LCLAT1: variants seen among roughly 807,000 people sequenced by gnomAD.
The protein encoded by LCLAT1 is 1-AGP acyltransferase 8.
In LCLAT1, 11 loss-of-function variants were observed where a neutral mutation model predicts 30.7. The ratio of observed to expected loss-of-function variants is 0.36; its 90% CI spans 0.23 to 0.59. LCLAT1 has a LOEUF of 0.59. Among genes scored for constraint, LCLAT1 ranks in the 20% least tolerant of loss-of-function variants. The pLI is 0.77. For missense variants in LCLAT1, 402 were observed against 458.6 expected, an observed-to-expected ratio of 0.88 and a Z score of 1.13; for synonymous variants, 155 against 151.3, an observed-to-expected ratio of 1.02 and a Z score of -0.18.
At chr2:30,528,944 CAG>C (rs1278726417) in intron 2 of LCLAT1, among the ~76,000 whole-genome samples, 3 of 152,230 alleles carry the variant, frequency 2.0e-5, no homozygotes, top group Non-Finnish European at 2.9e-5. Flanking sequence ...TTGAAGGAAA[CAG>C]AGAAGAACCA....
At chr2:30,601,607 A>G (rs1667186058) in intron 5 of LCLAT1, among the ~76,000 whole-genome samples, 1 of 152,068 alleles carries the variant, frequency 6.6e-6, no homozygotes, top group South Asian at 2.1e-4. Flanking sequence ...ATTCACATGA[A>G]TATGACTAAT....
At chr2:30,618,629 TG>T (rs1358820935) in intron 5 of LCLAT1, among the ~76,000 whole-genome samples, 1 of 152,112 alleles carries the variant, frequency 6.6e-6, no homozygotes, top group Non-Finnish European at 1.5e-5. Context: ...AACTGGGTGA[TG>T]AAATAATATG....
chr2:30,630,595 A>G (rs994305664), intron 5 of LCLAT1, among the ~76,000 whole-genome samples: 1 of 152,374 alleles, frequency 6.6e-6, no homozygotes, highest in South Asian at 2.1e-4. Flanking sequence ...TAATGCTAAT[A>G]TAAAATTTTA....
intron 5 of LCLAT1, among the ~76,000 whole-genome samples, chr2:30,573,203 C>G (rs1446376191): frequency 1.3e-5 from 2 of 152,182 alleles, no homozygotes; most frequent in Non-Finnish European, 2.9e-5. Flanking sequence ...AAATCCCAAA[C>G]AAGGCCTTTT....
At chr2:30,549,487 C>A (rs971476067) in intron 3 of LCLAT1, among the ~76,000 whole-genome samples, 1 of 152,096 alleles carries the variant, frequency 6.6e-6, no homozygotes, top group Non-Finnish European at 1.5e-5. Flanking sequence ...GAAAGAAATT[C>A]AGAATTTGGA....
intron 5 of LCLAT1, among the ~76,000 whole-genome samples, chr2:30,580,119 A>G (rs6716154): frequency 0.079 from 12,008 of 152,192 alleles, 839 homozygotes; most frequent in African/African-American, 0.19. Context: ...CATCCCAATT[A>G]CAAAGATGTT....
At chr2:30,453,641 C>T (rs1473688674) in intron 1 of LCLAT1, among the ~76,000 whole-genome samples, 2 of 152,152 alleles carry the variant, frequency 1.3e-5, no homozygotes, top group Non-Finnish European at 2.9e-5. Context: ...TGGTTTCTGT[C>T]TTTGAGCTTA....
intron 5 of LCLAT1, among the ~76,000 whole-genome samples, chr2:30,636,587 T>A (rs1038084863): frequency 2.8e-4 from 42 of 152,086 alleles, no homozygotes; most frequent in African/African-American, 1.0e-3. Context: ...GAATCTAGAA[T>A]CTTTCATCAA....
chr2:30,542,093 G>T lies in LCLAT1; in HGVS notation c.364+8779G>T, dbSNP rs185153437. Among the ~76,000 whole-genome samples the T allele has an allele frequency of 2.5e-4, 38 of 152,232 alleles. No homozygotes were observed. The East Asian group carries it at 5.8e-3, about 23-fold the overall frequency. Reference sequence around the variant, plus strand: ...TTCTTCTCTAACTGTTGCTCTATAAGAGTTCTTCAAAAATTCTGGATATAG... The same window carrying T: ...TTCTTCTCTAACTGTTGCTCTATAATAGTTCTTCAAAAATTCTGGATATAG... On this transcript the variant is annotated intron_variant, in intron 3 of 5. Transcript: ENST00000379509.
chr2:30,551,679 T>C (rs1277208667), intron 3 of LCLAT1, among the ~76,000 whole-genome samples: 2 of 152,182 alleles, frequency 1.3e-5, no homozygotes, highest in African/African-American at 4.8e-5. Context: ...TGCTACGGGA[T>C]CTGTTTCCTA....
chr2:30,622,132 G>T (rs1341381690), intron 5 of LCLAT1, among the ~76,000 whole-genome samples: 1 of 152,100 alleles, frequency 6.6e-6, no homozygotes, highest in African/African-American at 2.4e-5. Flanking sequence ...ACTGGGTGAG[G>T]CCTGTCACTG....
intron 1 of LCLAT1, among the ~76,000 whole-genome samples, chr2:30,483,470 C>A (rs544404875): frequency 3.3e-5 from 5 of 152,308 alleles, no homozygotes; most frequent in African/African-American, 1.2e-4. Flanking sequence ...GTAGATCTCA[C>A]TGTCTTTATC....
chr2:30,475,324 T>A (rs1682994177), intron 1 of LCLAT1, among the ~76,000 whole-genome samples: 1 of 152,190 alleles, frequency 6.6e-6, no homozygotes, highest in Non-Finnish European at 1.5e-5. Context: ...TATAATTTTC[T>A]TTTTGGCACT....
chr2:30,459,964 G>T (rs890008491), intron 1 of LCLAT1, among the ~76,000 whole-genome samples: 2 of 152,130 alleles, frequency 1.3e-5, no homozygotes, highest in African/African-American at 4.8e-5. Context: ...CAGCATTTCT[G>T]TTTGGCATTT....
At chr2:30,487,195 A>G (rs1414274851) in intron 1 of LCLAT1, among the ~76,000 whole-genome samples, 2 of 152,208 alleles carry the variant, frequency 1.3e-5, no homozygotes, top group Admixed American at 6.5e-5. Flanking sequence ...TGTATTTCCC[A>G]TGGTACCCAG....
At chr2:30,625,258 A>G (rs960409273) in intron 5 of LCLAT1, among the ~76,000 whole-genome samples, 1 of 152,240 alleles carries the variant, frequency 6.6e-6, no homozygotes, top group Non-Finnish European at 1.5e-5. Flanking sequence ...AATGAAATTG[A>G]AACAACACAA....
chr2:30,468,540 G>T lies in LCLAT1; in HGVS notation c.-5+21157G>T, dbSNP rs551100573. On this transcript the variant is annotated intron_variant, in intron 1 of 5. Transcript: ENST00000379509. ...TATATCTGTTTTTTTTTTAATTGAG[G>T]TGAAATTTACTGTACAAGAAATTAA... Among the ~76,000 whole-genome samples the T allele has an allele frequency of 3.3e-5, 5 of 151,964 alleles. No individual in the cohort carries two copies. In the East Asian group the frequency reaches 7.7e-4, roughly 24 times the overall value.
At chr2:30,622,045 C>T (rs1668279168) in intron 5 of LCLAT1, among the ~76,000 whole-genome samples, 1 of 152,124 alleles carries the variant, frequency 6.6e-6, no homozygotes, top group African/African-American at 2.4e-5. Flanking sequence ...GCCCTGCTCA[C>T]CGGCTGCCTG....
At chr2:30,557,283 C>CGTGTGTGTGTGTGTGT (rs373793652) in intron 3 of LCLAT1, among the ~76,000 whole-genome samples, 28 of 138,648 alleles carry the variant, frequency 2.0e-4, no homozygotes, top group African/African-American at 7.2e-4. Context: ...AAGGTATGAT[C>CGTGTGTGTGTGTGTGT]GTGTGTGTGT....
Sources: allele counts gnomAD v4.1 joint callset (sites outside exome capture counted in the v4.1 genomes callset), GRCh38; gene constraint gnomAD v4.1.1; transcripts MANE v1.5; gene names NCBI Gene and HGNC (gene_info 2026-07-23, HGNC 2026-07-21).